The following FRK variants were observed in gnomAD, a reference collection of about 807,000 sequenced individuals.
The protein encoded by FRK is fyn related Src family tyrosine kinase.
In FRK, 51 loss-of-function variants were observed where a neutral mutation model predicts 56.4. The observed-to-expected ratio is 0.90, with a 90% CI of 0.72 to 1.14. The LOEUF (loss-of-function observed/expected upper bound fraction) is 1.14. Among genes scored for constraint, FRK ranks in the 50% most tolerant of loss-of-function variants. FRK has a pLI of 0.00. For synonymous variants in FRK, 245 were observed against 217.9 expected, an observed-to-expected ratio of 1.12 and a Z score of -1.10; for missense variants, 570 against 601.4, an observed-to-expected ratio of 0.95 and a Z score of 0.55.
intron 1 of FRK, among the ~76,000 whole-genome samples, chr6:116,010,211 C>G (rs117421974): frequency 6.7e-6 from 1 of 149,758 alleles, no homozygotes; most frequent in African/African-American, 2.5e-5. Flanking sequence ...GAGATTCTGT[C>G]TCGAAAAAAA....
At chr6:116,050,427 C>T (rs1343159014) in intron 1 of FRK, among the ~76,000 whole-genome samples, 1 of 152,154 alleles carries the variant, frequency 6.6e-6, no homozygotes, top group Non-Finnish European at 1.5e-5. Context: ...CCTAATTACA[C>T]AGTTATTCCC....
intron 1 of FRK, among the ~76,000 whole-genome samples, chr6:116,007,937 T>C (rs1187683190): frequency 6.6e-6 from 1 of 152,152 alleles, no homozygotes; most frequent in African/African-American, 2.4e-5. Context: ...TGTTTTTATT[T>C]GAAAAAAATG....
chr6:115,973,940 T>C, intron 2 of FRK, among the ~76,000 whole-genome samples: 1 of 151,424 alleles, frequency 6.6e-6, no homozygotes. Flanking sequence ...TCCCAATTCA[T>C]TTCTCCACAA....
At chr6:116,089,838 T>G in the FRK span, among the ~76,000 whole-genome samples, 1 of 152,110 alleles carries the variant, frequency 6.6e-6, no homozygotes, top group Non-Finnish European at 1.5e-5. Flanking sequence ...ACGGACACAT[T>G]TCCGCCTATA....
At chr6:115,985,196 C>A (rs550338952) in intron 2 of FRK, among the ~76,000 whole-genome samples, 57 of 152,182 alleles carry the variant, frequency 3.7e-4, no homozygotes, top group African/African-American at 1.3e-3. Context: ...AATAAATACA[C>A]CTAAATCAGG....
At chr6:115,944,092 G>A (rs1409305656) in intron 6 of FRK, 152 bp downstream of exon 6, 2 of 527,554 alleles carry the variant, frequency 3.8e-6, no homozygotes, top group Non-Finnish European at 6.4e-6. Context: ...GAAGGTGCAG[G>A]TAGTTTGTAA....
At chr6:116,040,089 G>C (rs962846063) in intron 1 of FRK, among the ~76,000 whole-genome samples, 2 of 152,114 alleles carry the variant, frequency 1.3e-5, no homozygotes, top group Admixed American at 1.3e-4. Context: ...AATGCACATG[G>C]GGGAAGTCTT....
At chr6:116,001,757 T>C (rs372395602) in intron 2 of FRK, among the ~76,000 whole-genome samples, 30 of 152,336 alleles carry the variant, frequency 2.0e-4, no homozygotes, top group African/African-American at 7.0e-4. Flanking sequence ...AATGCATCTT[T>C]GTTTTACACA....
chr6:115,965,801 CA>C (rs1773538414), intron 4 of FRK, among the ~76,000 whole-genome samples: 1 of 33,440 alleles, frequency 3.0e-5, no homozygotes, highest in African/African-American at 1.1e-4. Flanking sequence ...ATCGCAAGAA[CA>C]AAAAACCAAA....
intron 3 of FRK, among the ~76,000 whole-genome samples, chr6:115,968,105 T>G (rs1418058036): frequency 6.6e-6 from 1 of 152,238 alleles, no homozygotes; most frequent in East Asian, 1.9e-4. Flanking sequence ...TTTTATTATA[T>G]GTATCACCTA....
chr6:115,970,344 A>C (rs1432779186), intron 2 of FRK, among the ~76,000 whole-genome samples: 1 of 152,220 alleles, frequency 6.6e-6, no homozygotes, highest in African/African-American at 2.4e-5. Flanking sequence ...AAATCAATAA[A>C]AGTGCACAAT....
At chr6:116,058,554 CACTT>C (rs1234197648) in intron 1 of FRK, among the ~76,000 whole-genome samples, 1 of 152,092 alleles carries the variant, frequency 6.6e-6, no homozygotes, top group East Asian at 1.9e-4. Flanking sequence ...AAATAAGAAA[CACTT>C]ACATGAGAAC....
chr6:116,022,170 C>T (rs1020173645), intron 1 of FRK, among the ~76,000 whole-genome samples: 1 of 151,990 alleles, frequency 6.6e-6, no homozygotes, highest in Non-Finnish European at 1.5e-5. Flanking sequence ...AAATTACATT[C>T]ATAATTTAAA....
intron 2 of FRK, among the ~76,000 whole-genome samples, chr6:115,990,542 T>C (rs767257312): frequency 5.3e-5 from 8 of 152,062 alleles, no homozygotes; most frequent in South Asian, 4.1e-4. Flanking sequence ...CCTTTCGTTA[T>C]TGTTGAATTT....
chr6:116,098,962 T>C, the FRK span, among the ~76,000 whole-genome samples: 2 of 152,124 alleles, frequency 1.3e-5, no homozygotes, highest in Non-Finnish European at 2.9e-5. Context: ...ATTTGCAAAA[T>C]TCTCCCACAA....
At chr6:116,083,230 A>C in the FRK span, among the ~76,000 whole-genome samples, 1 of 152,256 alleles carries the variant, frequency 6.6e-6, no homozygotes, top group East Asian at 1.9e-4. Context: ...TTTTTGTGGA[A>C]TATTGAAGGG....
intron 1 of FRK, among the ~76,000 whole-genome samples, chr6:116,043,412 T>G (rs138505558): frequency 1.3e-5 from 2 of 152,144 alleles, no homozygotes; most frequent in African/African-American, 4.8e-5. Flanking sequence ...GCAATCAAAT[T>G]AGAACTCAGG....
At chr6:115,990,727 T>C (rs1774568241) in intron 2 of FRK, among the ~76,000 whole-genome samples, 1 of 152,022 alleles carries the variant, frequency 6.6e-6, no homozygotes, top group Admixed American at 6.6e-5. Flanking sequence ...ACTTTGTTCC[T>C]TTTGCTTAGG....
chr6:115,996,440 G>A (rs1443709873), intron 2 of FRK, among the ~76,000 whole-genome samples: 3 of 152,140 alleles, frequency 2.0e-5, no homozygotes, highest in African/African-American at 4.8e-5. Flanking sequence ...GTGCCTGGCA[G>A]AGACATAGAG....
Sources: allele counts gnomAD v4.1 joint callset (sites outside exome capture counted in the v4.1 genomes callset), GRCh38; gene constraint gnomAD v4.1.1; transcripts MANE v1.5; gene names NCBI Gene and HGNC (gene_info 2026-07-23, HGNC 2026-07-21).